CCNT2: variants seen among roughly 807,000 people sequenced by gnomAD.
CCNT2 encodes cyclin-T2.
CCNT2 carries 18 observed loss-of-function variants against 70.0 expected under a neutral mutation model. The ratio of observed to expected loss-of-function variants is 0.26; its 90% CI spans 0.18 to 0.38. CCNT2 has a LOEUF of 0.38. Ranked by LOEUF, CCNT2 falls within the 10% of genes least tolerant of loss-of-function variation. The pLI is 1.00. For missense variants in CCNT2, 734 were observed against 890.2 expected, an observed-to-expected ratio of 0.82 and a Z score of 2.23; for synonymous variants, 334 against 313.3, an observed-to-expected ratio of 1.07 and a Z score of -0.70.
intron 2 of CCNT2, among the ~76,000 whole-genome samples, chr2:134,929,214 C>A (rs1680535983): frequency 6.6e-6 from 1 of 152,156 alleles, no homozygotes; most frequent in Non-Finnish European, 1.5e-5. Flanking sequence ...TAAAGTTACA[C>A]ATGGTTAAGA....
chr2:134,954,803 G>C lies in CCNT2; in HGVS notation c.*155G>C. 1 of 596,486 alleles carries C rather than the reference G, an allele frequency of 1.7e-6. No individual in the cohort carries two copies. The highest frequency in any genetic ancestry group is 1.9e-5 in the African/African-American group (1 of 53,916). 36.9% of individuals were successfully genotyped at this position (596,486 alleles called of 1,614,324 possible). On this transcript the variant is annotated 3_prime_UTR_variant, in exon 9 of 9. Transcript: ENST00000264157. ...TTTATTCTTCATTCTGAAAAGAAGA[G>C]ATTATAGTAAACAAGTCTTTATCTC... is the stretch of plus-strand genomic sequence containing the variant.
intron 5 of CCNT2, chr2:134,943,165 C>T (rs1055897557): frequency 1.2e-6 from 1 of 862,628 alleles, no homozygotes; most frequent in East Asian, 1.2e-4. Flanking sequence ...TTTTGGGAGG[C>T]CAAGGCAGGC....
At chr2:134,933,556 A>G (rs192759536) in intron 2 of CCNT2, among the ~76,000 whole-genome samples, 53 of 152,236 alleles carry the variant, frequency 3.5e-4, no homozygotes, top group Admixed American at 9.2e-4. Context: ...AAGGAATAAA[A>G]AAGAGAAGGA....
chr2:134,942,011 A>G (rs1190469831), intron 4 of CCNT2, among the ~76,000 whole-genome samples: 5 of 152,108 alleles, frequency 3.3e-5, no homozygotes, highest in Non-Finnish European at 4.4e-5. Flanking sequence ...TGCCACACCT[A>G]AGGGTTGATT....
Position 134,936,970 on chromosome 2 carries a change from G to C in CCNT2, c.369+1G>C. 6.3e-7 allele frequency: 1 copy of C among 1,599,310 alleles called. No individual in the cohort carries two copies. Among genetic ancestry groups the C allele is most frequent in the East Asian group, 2.2e-5 (1 of 44,734 alleles). On this transcript the variant is annotated splice_donor_variant, in intron 3 of 8. Coordinates refer to ENST00000264157, the MANE Select transcript of CCNT2 (RefSeq NM_058241.3). LOFTEE classifies it high-confidence loss of function. Reference sequence around the variant, plus strand: ...GCCACTGCTGGATACTAAATGTGATGTATGTAAATACTGGGTTTTTTATTT... The same window carrying C: ...GCCACTGCTGGATACTAAATGTGATCTATGTAAATACTGGGTTTTTTATTT...
At chr2:134,940,862 T>C (rs1005746391) in intron 4 of CCNT2, among the ~76,000 whole-genome samples, 3 of 152,118 alleles carry the variant, frequency 2.0e-5, no homozygotes, top group Admixed American at 2.0e-4. Flanking sequence ...AAAGTTGAAT[T>C]GTTTGATATG....
chr2:134,945,036 G>A, intron 5 of CCNT2: 1 of 985,358 alleles, frequency 1.0e-6, no homozygotes, highest in Non-Finnish European at 1.2e-6. Flanking sequence ...ATTTTACAGG[G>A]ACCTTCACTT....
chr2:134,923,609 G>T (rs576750206), intron 2 of CCNT2, among the ~76,000 whole-genome samples: 1 of 152,202 alleles, frequency 6.6e-6, no homozygotes, highest in African/African-American at 2.4e-5. Flanking sequence ...AATTTGAGAC[G>T]ATTAGCCTAG....
Position 134,919,899 on chromosome 2 carries a change from C to T in CCNT2, c.240+8C>T, listed in dbSNP as rs1679750879. On this transcript the variant is annotated splice_region_variant and intron_variant, in intron 2 of 8. Transcript: ENST00000264157. ...ACCAAATTCAACAAAAATGTAAGTACTAGTTGTCTGTTTTTACTGTCCGCA... is the reference window on the plus strand; with the variant it reads ...ACCAAATTCAACAAAAATGTAAGTATTAGTTGTCTGTTTTTACTGTCCGCA... 5 of 1,505,046 alleles carry T rather than the reference C, an allele frequency of 3.3e-6. No homozygotes were observed. The highest frequency in any genetic ancestry group is 1.9e-4 in the Middle Eastern group (1 of 5,308). The allele number at this position is 1,505,046 out of a possible 1,614,324, so 93.2% of individuals were successfully genotyped here.
rs1201999908 is a variant in CCNT2 at position 134,958,873 on chromosome 2, A to T, written c.*4225A>T. The T allele has an allele frequency of 6.6e-6, 1 of 152,238 alleles. No individual in the cohort carries two copies. The highest frequency in any genetic ancestry group is 1.9e-4 in the East Asian group (1 of 5,202). The allele number at this position is 152,238 out of a possible 1,614,324, so 9.4% of individuals were successfully genotyped here. ...CCTGACAGATTGATTAAGTAGGTTG[A>T]TAAGATCCATCGAAGATTGAATGGC... On this transcript the variant is annotated 3_prime_UTR_variant, in exon 9 of 9. Coordinates refer to ENST00000264157, the MANE Select transcript of CCNT2 (RefSeq NM_058241.3).
chr2:134,931,658 T>A (rs190725787), intron 2 of CCNT2, among the ~76,000 whole-genome samples: 20 of 152,346 alleles, frequency 1.3e-4, no homozygotes, highest in African/African-American at 4.8e-4. Flanking sequence ...TACTGCCATC[T>A]TCGTGATAAT....
rs1682821425 is a variant in CCNT2, at chr2:134,954,721, T to C, written c.*73T>C. 2 of 980,610 alleles carry C rather than the reference T, an allele frequency of 2.0e-6. No individual in the cohort carries two copies. The highest frequency in any genetic ancestry group is 4.9e-5 in the East Asian group (2 of 40,782). The allele number at this position is 980,610 out of a possible 1,614,324, so 60.7% of individuals were successfully genotyped here. ...GTTAGAATGGAAAAATTCCTTCTGATCTAGCAGTGGTAACCCCTGCTGTTG... is the reference window on the plus strand; with the variant it reads ...GTTAGAATGGAAAAATTCCTTCTGACCTAGCAGTGGTAACCCCTGCTGTTG... On this transcript the variant is annotated 3_prime_UTR_variant, in exon 9 of 9. Coordinates refer to ENST00000264157, the MANE Select transcript of CCNT2 (RefSeq NM_058241.3).
intron 2 of CCNT2, among the ~76,000 whole-genome samples, chr2:134,936,285 C>G (rs1307274963): frequency 6.6e-6 from 1 of 151,256 alleles, no homozygotes. Flanking sequence ...CTTAGTATGT[C>G]TTTTCCCTTT....
At position 134,955,844 on chromosome 2, in the gene CCNT2, T is replaced by C. The variant is rs1682890462; in HGVS notation, c.*1196T>C. On this transcript the variant is annotated 3_prime_UTR_variant, in exon 9 of 9. Coordinates refer to ENST00000264157, the MANE Select transcript of CCNT2 (RefSeq NM_058241.3). The stretch of plus-strand genomic sequence containing the variant: ...AAAGAAAAGATTACTGACTGTGCAT[T>C]GTACCTGTATTTATAGTTTATGGTT... The C allele has an allele frequency of 6.6e-6, 1 of 152,662 alleles. No individual in the cohort carries two copies. The highest frequency in any genetic ancestry group is 1.5e-5 in the Non-Finnish European group (1 of 68,046). 9.5% of individuals were successfully genotyped at this position (152,662 alleles called of 1,614,324 possible).
At chr2:134,936,236 ACTTTCT>A (rs1446633279) in intron 2 of CCNT2, among the ~76,000 whole-genome samples, 2 of 151,370 alleles carry the variant, frequency 1.3e-5, no homozygotes, top group Non-Finnish European at 2.9e-5. Context: ...TATTATTTAA[ACTTTCT>A]CTTTAGCATT....
Position 134,918,839 on chromosome 2 carries a change from CG to C in CCNT2, c.-14del. On this transcript the variant is annotated 5_prime_UTR_variant, in exon 1 of 9. Transcript: ENST00000264157. ...GGCGGGGGGTGAATGAAGGAGCGGGCGGAGGAGGAAGTGTCATGGCGTCGGG... is the reference window on the plus strand; with the variant it reads ...GGCGGGGGGTGAATGAAGGAGCGGGCGAGGAGGAAGTGTCATGGCGTCGGG... The C allele has an allele frequency of 6.2e-7, 1 of 1,606,238 alleles. No homozygotes were observed. Among genetic ancestry groups the C allele is most frequent in the South Asian group, 1.1e-5 (1 of 90,376 alleles).
At chr2:134,924,392 G>A (rs186496397) in intron 2 of CCNT2, among the ~76,000 whole-genome samples, 148 of 152,144 alleles carry the variant, frequency 9.7e-4, no homozygotes, top group African/African-American at 3.4e-3. Flanking sequence ...CAACTACCCC[G>A]GAATGTCTCC....
Position 134,955,602 on chromosome 2 carries a change from GT to G in CCNT2, c.*957del, listed in dbSNP as rs1400555489. The G allele has an allele frequency of 2.0e-5, 3 of 152,564 alleles. No individual in the cohort carries two copies. Among genetic ancestry groups the G allele is most frequent in the Non-Finnish European group, 4.4e-5 (3 of 68,018 alleles). 9.5% of individuals were successfully genotyped at this position (152,564 alleles called of 1,614,324 possible). A position where few individuals can be genotyped will look rare whatever the true frequency, so the allele number is the denominator to read the frequency against. On this transcript the variant is annotated 3_prime_UTR_variant, in exon 9 of 9. Coordinates refer to ENST00000264157, the MANE Select transcript of CCNT2 (RefSeq NM_058241.3). ...TTACCTAGTAGAGATTTAGTGAGTT[GT>G]TTCCTTTAAAGAATTTTACACTACA...
chr2:134,954,154 C>T lies in CCNT2; in HGVS notation c.1699C>T (p.Arg567Cys), dbSNP rs769928273. The T allele has an allele frequency of 2.6e-5, 42 of 1,613,978 alleles. No homozygotes were observed. Among genetic ancestry groups the T allele is most frequent in the Admixed American group, 1.0e-4 (6 of 59,990 alleles). Residue 567 changes from arginine to cysteine, a missense_variant, in exon 9 of 9, where the codon CGC (arginine) becomes TGC (cysteine). This residue lies in a region of CCNT2 where 532 missense variants were observed against 556.9 expected (regional missense o/e 0.96). Coordinates refer to ENST00000264157, the MANE Select transcript of CCNT2 (RefSeq NM_058241.3). ...KEKHKEHPSS[R>C]HHTSSHKHSH... ...GAAGCACAAGGAGCATCCTTCAAGC[C>T]GCCACCACACCAGCAGCCACAAGCA...
Sources: allele counts gnomAD v4.1 joint callset (sites outside exome capture counted in the v4.1 genomes callset), GRCh38; gene constraint gnomAD v4.1.1; regional missense constraint gnomAD v4.1.1; transcripts MANE v1.5; gene names NCBI Gene and HGNC (gene_info 2026-07-23, HGNC 2026-07-21).